The following ATF7IP2 variants were observed in gnomAD, a reference collection of about 807,000 sequenced individuals.
ATF7IP2 encodes the protein activating transcription factor 7-interacting protein 2.
A neutral mutation model predicts 64.2 loss-of-function variants in ATF7IP2; 42 were observed. The ratio of observed to expected loss-of-function variants is 0.65; its 90% CI spans 0.51 to 0.85. The LOEUF (loss-of-function observed/expected upper bound fraction) is 0.85, where lower values mean the gene tolerates loss of function less well. Ranked by LOEUF, ATF7IP2 falls within the 40% of genes least tolerant of loss-of-function variation. ATF7IP2 has a pLI of 0.00. For missense variants in ATF7IP2, 933 were observed against 784.2 expected, an observed-to-expected ratio of 1.19 and a Z score of -2.27; for synonymous variants, 308 against 272.8, an observed-to-expected ratio of 1.13 and a Z score of -1.27.
chr16:10,411,452 G>T (rs1184824936), intron 1 of ATF7IP2, among the ~76,000 whole-genome samples: 2 of 151,338 alleles, frequency 1.3e-5, no homozygotes, highest in African/African-American at 4.9e-5. Flanking sequence ...CTGAAGTGTA[G>T]TGGCACAGTC....
chr16:10,439,637 A>C (rs1330036309), intron 7 of ATF7IP2, among the ~76,000 whole-genome samples: 1 of 146,134 alleles, frequency 6.8e-6, no homozygotes, highest in African/African-American at 2.5e-5. Context: ...GGTTCAAGCG[A>C]GTCTCCTGCC....
chr16:10,459,667 TA>T (rs1169086708), intron 9 of ATF7IP2, among the ~76,000 whole-genome samples: 9 of 151,976 alleles, frequency 5.9e-5, no homozygotes, highest in Non-Finnish European at 1.3e-4. Flanking sequence ...ATAAATACAC[TA>T]ATGTGATTTG....
At chr16:10,440,508 T>C (rs373696008) in intron 8 of ATF7IP2, 46 bp downstream of exon 8, 25 of 1,094,460 alleles carry the variant, frequency 2.3e-5, no homozygotes, top group Non-Finnish European at 3.3e-5. Context: ...TTGACTCATA[T>C]AAGTGGTTTG....
intron 3 of ATF7IP2, among the ~76,000 whole-genome samples, chr16:10,420,745 G>C (rs1251628421): frequency 6.6e-6 from 1 of 152,186 alleles, no homozygotes; most frequent in African/African-American, 2.4e-5. Flanking sequence ...TAATTGTGTG[G>C]AATGAACCAC....
At chr16:10,463,242 C>CTAGTA (rs2049434172) in intron 9 of ATF7IP2, among the ~76,000 whole-genome samples, 1 of 152,178 alleles carries the variant, frequency 6.6e-6, no homozygotes, top group African/African-American at 2.4e-5. Context: ...ATGTCTTCCA[C>CTAGTA]CAGACTAGAT....
chr16:10,465,982 G>A (rs766326282), intron 9 of ATF7IP2, among the ~76,000 whole-genome samples: 6 of 152,158 alleles, frequency 3.9e-5, no homozygotes, highest in Non-Finnish European at 8.8e-5. Flanking sequence ...TTCACAGAGT[G>A]ACAGATGACC....
intron 12 of ATF7IP2, among the ~76,000 whole-genome samples, chr16:10,478,330 A>T (rs2050086861): frequency 6.6e-6 from 1 of 151,946 alleles, no homozygotes; most frequent in South Asian, 2.1e-4. Flanking sequence ...AACAGAACAG[A>T]GCCCTCAGAA....
intron 12 of ATF7IP2, among the ~76,000 whole-genome samples, chr16:10,475,692 CA>C (rs113253742): frequency 9.2e-4 from 24 of 26,184 alleles, no homozygotes; most frequent in Admixed American, 2.9e-3. Context: ...AACTCCGTCT[CA>C]AAAAAAAAAA....
chr16:10,428,368 A>G (rs1167912854), intron 3 of ATF7IP2, among the ~76,000 whole-genome samples: 1 of 152,196 alleles, frequency 6.6e-6, no homozygotes, highest in Non-Finnish European at 1.5e-5. Context: ...GCCTTTTCCA[A>G]AGGCCCTTAG....
intron 9 of ATF7IP2, among the ~76,000 whole-genome samples, chr16:10,466,893 T>C (rs759417118): frequency 7.9e-5 from 12 of 152,202 alleles, no homozygotes; most frequent in Non-Finnish European, 1.6e-4. Context: ...GTTGTTTTAA[T>C]GCTCTTGTTT....
intron 8 of ATF7IP2, among the ~76,000 whole-genome samples, chr16:10,443,846 G>A (rs2048712630): frequency 6.6e-6 from 1 of 152,184 alleles, no homozygotes; most frequent in Non-Finnish European, 1.5e-5. Context: ...GAAGAACTGG[G>A]TTACATTGCT....
At position 10,412,672 on chromosome 16, in the gene ATF7IP2, G is replaced by A. The variant is rs142680467; in HGVS notation, c.-241-1902G>A. Among the ~76,000 whole-genome samples the A allele has an allele frequency of 3.3e-3, 509 of 152,258 alleles. 1 individual carries two copies. The highest frequency in any genetic ancestry group is 0.012 in the African/African-American group (495 of 41,560). On this transcript the variant is annotated intron_variant, in intron 1 of 13. Transcript: ENST00000562102. ...CTGCAGTTGTTGGGTAGAATGTTCT[G>A]TAAATATCTGTTGAGTCCATTTGTT...
At chr16:10,475,722 G>GAAAAAAAAAAAAAAA (rs386384218) in intron 12 of ATF7IP2, among the ~76,000 whole-genome samples, 32 of 41,600 alleles carry the variant, frequency 7.7e-4, no homozygotes, top group African/African-American at 1.4e-3. Flanking sequence ...TAAGAAGCCA[G>GAAAAAAAAAAAAAAA]AAAAAAAAAA....
chr16:10,455,890 C>G (rs1051581039), intron 8 of ATF7IP2, among the ~76,000 whole-genome samples: 1 of 152,142 alleles, frequency 6.6e-6, no homozygotes, highest in Non-Finnish European at 1.5e-5. Flanking sequence ...TACGTAGTGG[C>G]AGGAAGTTTA....
chr16:10,424,336 C>G (rs532684498), intron 3 of ATF7IP2, among the ~76,000 whole-genome samples: 12 of 152,306 alleles, frequency 7.9e-5, no homozygotes, highest in African/African-American at 2.6e-4. Context: ...CTGTTCCCAA[C>G]AGACCCCTAT....
chr16:10,465,680 C>T (rs1450394959), intron 9 of ATF7IP2, among the ~76,000 whole-genome samples: 1 of 148,014 alleles, frequency 6.8e-6, no homozygotes, highest in African/African-American at 2.5e-5. Context: ...TGGAGGTTGG[C>T]GTCATCCGAG....
At chr16:10,473,558 A>C (rs772538957) in intron 11 of ATF7IP2, 24 bp downstream of exon 11, 1 of 1,456,920 alleles carries the variant, frequency 6.9e-7, no homozygotes, top group Non-Finnish European at 9.5e-7. Flanking sequence ...ATTGACTCTG[A>C]ATATTGTTTA....
intron 3 of ATF7IP2, among the ~76,000 whole-genome samples, chr16:10,426,059 T>C (rs1596479056): frequency 6.6e-6 from 1 of 152,296 alleles, no homozygotes; most frequent in Non-Finnish European, 1.5e-5. Context: ...AAAATGAAAA[T>C]AGGTCCTTTC....
intron 1 of ATF7IP2, among the ~76,000 whole-genome samples, chr16:10,400,781 A>G (rs899346951): frequency 1.3e-5 from 2 of 152,172 alleles, no homozygotes; most frequent in South Asian, 2.1e-4. Context: ...TCTTGGGTTC[A>G]AGTGATTCTT....
Sources: allele counts gnomAD v4.1 joint callset (sites outside exome capture counted in the v4.1 genomes callset), GRCh38; gene constraint gnomAD v4.1.1; transcripts MANE v1.5; gene names NCBI Gene and HGNC (gene_info 2026-07-23, HGNC 2026-07-21).